Variants in ZRANB3 observed in about 807,000 individuals in gnomAD.
ZRANB3 encodes the protein zinc finger RANBP2-type containing 3, also known as DNA annealing helicase and endonuclease ZRANB3.
A neutral mutation model predicts 133.8 loss-of-function variants in ZRANB3; 125 were observed. The observed-to-expected ratio is 0.93, with a 90% CI of 0.81 to 1.08. The LOEUF (loss-of-function observed/expected upper bound fraction) is 1.08, where lower values mean the gene tolerates loss of function less well. Among genes scored for constraint, ZRANB3 ranks in the 50% least tolerant of loss-of-function variants. The pLI is 0.00. For synonymous variants in ZRANB3, 387 were observed against 432.7 expected (o/e 0.89, Z 1.31); for missense variants, 1,229 against 1,275.5 (o/e 0.96, Z 0.56).
rs1484676793 is a variant in ZRANB3, at chr2:135,337,070, T to C, written c.677+8480A>G. 3.3e-5 allele frequency among the ~76,000 whole-genome samples: 5 copies of C among 152,258 alleles called. No individual in the cohort carries two copies. In the South Asian group the frequency reaches 6.2e-4, roughly 19 times the overall value. On this transcript the variant is annotated intron_variant, in intron 6 of 20. Transcript: ENST00000264159. ...CGTTTTACAACATGAATAAAAGGAA[T>C]TCAGAGTCCAGGAAGGCTCCTGGAT...
At chr2:135,344,292 T>G (rs1684824281) in intron 6 of ZRANB3, among the ~76,000 whole-genome samples, 1 of 152,216 alleles carries the variant, frequency 6.6e-6, no homozygotes, top group African/African-American at 2.4e-5. Context: ...AGCTCTAAAT[T>G]TCCATGCTCT....
At chr2:135,429,071 A>G (rs1689211801) in intron 2 of ZRANB3, among the ~76,000 whole-genome samples, 1 of 152,258 alleles carries the variant, frequency 6.6e-6, no homozygotes, top group South Asian at 2.1e-4. Context: ...TCTACCATAA[A>G]GACACATACA....
rs949094521 is a variant in ZRANB3 at position 135,408,688 on chromosome 2, A to G, written c.162-17868T>C. ...ATGTCCTTTGTAGGGACATGGATGA[A>G]ACTGGAAACCATCATTCTCAGCAAA... On this transcript the variant is annotated intron_variant, in intron 2 of 20. Transcript: ENST00000264159. Among the ~76,000 whole-genome samples, 12 of 152,254 alleles carry G rather than the reference A, an allele frequency of 7.9e-5. No individual in the cohort carries two copies. The South Asian group carries it at 8.3e-4, about 11-fold the overall frequency.
intron 1 of ZRANB3, chr2:135,511,968 G>A (rs1693483259): frequency 1.4e-6 from 1 of 721,480 alleles, no homozygotes. Flanking sequence ...CAAACTGAGG[G>A]GAAAAAGTCA....
chr2:135,483,914 G>A (rs2104797102), intron 2 of ZRANB3, among the ~76,000 whole-genome samples: 1 of 152,270 alleles, frequency 6.6e-6, no homozygotes, highest in South Asian at 2.1e-4. Context: ...CCATGTAGTT[G>A]AGCGGTTTTG....
chr2:135,375,326 G>T (rs904621564), intron 3 of ZRANB3, among the ~76,000 whole-genome samples: 4 of 152,116 alleles, frequency 2.6e-5, no homozygotes, highest in Admixed American at 1.3e-4. Flanking sequence ...GCCAAGGCAG[G>T]TGGATCACCT....
At chr2:135,224,978 A>C (rs1694701492) in intron 14 of ZRANB3, among the ~76,000 whole-genome samples, 1 of 152,212 alleles carries the variant, frequency 6.6e-6, no homozygotes, top group Non-Finnish European at 1.5e-5. Context: ...TGACATTCAC[A>C]AAAGAAGATA....
intron 2 of ZRANB3, among the ~76,000 whole-genome samples, chr2:135,483,188 A>T (rs1431275031): frequency 4.0e-5 from 6 of 151,678 alleles, no homozygotes; most frequent in Admixed American, 1.3e-4. Flanking sequence ...TTTCAGAAGG[A>T]ATGGTACCAG....
chr2:135,231,662 C>T (rs1016351386), intron 12 of ZRANB3, among the ~76,000 whole-genome samples: 1 of 152,074 alleles, frequency 6.6e-6, no homozygotes, highest in African/African-American at 2.4e-5. Flanking sequence ...GTGGTGTGCA[C>T]CTGTAGTCCC....
chr2:135,469,786 G>A (rs1404801899), intron 2 of ZRANB3, among the ~76,000 whole-genome samples: 1 of 152,110 alleles, frequency 6.6e-6, no homozygotes, highest in African/African-American at 2.4e-5. Context: ...GCTGAGGCAG[G>A]TGGATCATGA....
At chr2:135,470,378 T>A (rs1691202862) in intron 2 of ZRANB3, among the ~76,000 whole-genome samples, 1 of 150,184 alleles carries the variant, frequency 6.7e-6, no homozygotes, top group Admixed American at 6.6e-5. Context: ...ATTATTTTGA[T>A]CTTAACTAAT....
chr2:135,257,666 A>G (rs1679728131), intron 12 of ZRANB3, among the ~76,000 whole-genome samples: 1 of 152,206 alleles, frequency 6.6e-6, no homozygotes, highest in Admixed American at 6.5e-5. Context: ...TATTTCATAT[A>G]ATCTTAATAG....
chr2:135,358,212 C>T (rs994236762), intron 3 of ZRANB3, among the ~76,000 whole-genome samples: 8 of 152,180 alleles, frequency 5.3e-5, no homozygotes, highest in African/African-American at 1.9e-4. Context: ...TCATTCTGTG[C>T]ATGTATAGTT....
chr2:135,327,052 T>C (rs1683872644), intron 6 of ZRANB3, among the ~76,000 whole-genome samples: 1 of 152,088 alleles, frequency 6.6e-6, no homozygotes. Flanking sequence ...ATAAAACTGG[T>C]CATGAGATAA....
intron 2 of ZRANB3, among the ~76,000 whole-genome samples, chr2:135,486,689 T>C (rs1692138922): frequency 6.6e-6 from 1 of 152,158 alleles, no homozygotes; most frequent in Non-Finnish European, 1.5e-5. Context: ...AATTTTTGTA[T>C]TTTCAGTAGA....
At position 135,380,164 on chromosome 2, in the gene ZRANB3, A is replaced by G. The variant is rs1686622234; in HGVS notation, c.180+10638T>C. Among the ~76,000 whole-genome samples the G allele has an allele frequency of 1.3e-5, 2 of 152,248 alleles. 1 individual carries two copies. The highest frequency in any genetic ancestry group is 4.1e-4 in the South Asian group (2 of 4,834). On this transcript the variant is annotated intron_variant, in intron 3 of 20. Transcript: ENST00000264159. ...TAGGAGCACCCAGATTCACAAAGCA[A>G]GTTCTCAGAGACCTACAAAGAGACT...
chr2:135,296,884 G>C (rs1426652093), intron 8 of ZRANB3, among the ~76,000 whole-genome samples: 1 of 152,184 alleles, frequency 6.6e-6, no homozygotes, highest in Non-Finnish European at 1.5e-5. Flanking sequence ...GGTGGCTGCA[G>C]AACAACAGAT....
intron 2 of ZRANB3, among the ~76,000 whole-genome samples, chr2:135,468,389 CCT>C (rs1411484686): frequency 6.6e-6 from 1 of 152,124 alleles, no homozygotes; most frequent in African/African-American, 2.4e-5. Context: ...ACATTAGTCC[CCT>C]GAGAAGCATT....
chr2:135,438,011 T>C (rs955502526), intron 2 of ZRANB3, among the ~76,000 whole-genome samples: 3 of 152,146 alleles, frequency 2.0e-5, no homozygotes, highest in African/African-American at 7.2e-5. Flanking sequence ...AAATACATGT[T>C]CTCCTCCTCT....
Sources: gnomAD v4.1 joint callset for allele counts (sites outside exome capture counted in the v4.1 genomes callset) on GRCh38, gnomAD v4.1.1 for gene constraint, MANE v1.5 for transcripts, NCBI Gene and HGNC (gene_info 2026-07-23, HGNC 2026-07-21) for gene names.